The following TLN2 variants were observed in gnomAD, a reference collection of about 807,000 sequenced individuals.
TLN2 encodes talin-2.
TLN2 carries 118 observed loss-of-function variants against 294.7 expected under a neutral mutation model. The ratio of observed to expected loss-of-function variants is 0.40; its 90% confidence interval spans 0.34 to 0.47. TLN2 has a LOEUF of 0.47. TLN2 is among the 20% of genes least tolerant of loss of function. The probability of loss-of-function intolerance (pLI) is 0.84; values close to 1 mark genes in which losing one functional copy is unlikely to be tolerated. For synonymous variants in TLN2, 1,431 were observed against 1,304.5 expected (o/e 1.10, Z -2.09); for missense variants, 3,083 against 3,282.2 (o/e 0.94, Z 1.48).
chr15:62,472,113 C>A (rs1052944296), intron 1 of TLN2, among the ~76,000 whole-genome samples: 2 of 152,156 alleles, frequency 1.3e-5, no homozygotes, highest in African/African-American at 4.8e-5. Context: ...ATGCACCCAC[C>A]CCCATGAGTC....
At chr15:62,819,418 A>G (rs955225375) in intron 52 of TLN2, 98 bp from the exon 53 acceptor site, 2 of 991,480 alleles carry the variant, frequency 2.0e-6, no homozygotes, top group Non-Finnish European at 3.2e-6. Context: ...ACTTAAAACC[A>G]GGCTGCCTGA....
At chr15:62,580,644 C>A (rs1222774323) in intron 1 of TLN2, among the ~76,000 whole-genome samples, 1 of 152,008 alleles carries the variant, frequency 6.6e-6, no homozygotes, top group Non-Finnish European at 1.5e-5. Flanking sequence ...CTCCTGAGTT[C>A]AAGTGATCTA....
intron 1 of TLN2, among the ~76,000 whole-genome samples, chr15:62,533,660 T>TA (rs563518355): frequency 1.3e-5 from 2 of 152,234 alleles, no homozygotes; most frequent in South Asian, 4.1e-4. Context: ...TTACCCCCCA[T>TA]AAAAAATGCC....
At chr15:62,811,722 A>G (rs1251443477) in intron 52 of TLN2, among the ~76,000 whole-genome samples, 2 of 152,096 alleles carry the variant, frequency 1.3e-5, no homozygotes, top group East Asian at 1.9e-4. Flanking sequence ...TGAATGCCTT[A>G]TTAATATCTG....
intron 1 of TLN2, among the ~76,000 whole-genome samples, chr15:62,394,923 A>G (rs1363309407): frequency 6.6e-6 from 1 of 152,212 alleles, no homozygotes; most frequent in Non-Finnish European, 1.5e-5. Flanking sequence ...GGAGTTTCAG[A>G]GACGGTGCCA....
intron 1 of TLN2, among the ~76,000 whole-genome samples, chr15:62,505,094 T>C (rs2039536151): frequency 1.3e-5 from 2 of 151,946 alleles, no homozygotes; most frequent in African/African-American, 2.4e-5. Context: ...GTAGCTGGGA[T>C]TACAGGCGCC....
intron 3 of TLN2, chr15:62,638,692 T>C (rs746185365): frequency 4.9e-5 from 22 of 451,754 alleles, no homozygotes; most frequent in Non-Finnish European, 8.4e-5. Context: ...CTCTCTTTGG[T>C]TCTTGGTGGA....
chr15:62,740,293 G>A (rs1289526373), intron 31 of TLN2, among the ~76,000 whole-genome samples: 1 of 152,134 alleles, frequency 6.6e-6, no homozygotes, highest in African/African-American at 2.4e-5. Flanking sequence ...TGCTGGAATC[G>A]CTGCCTGGTC....
At chr15:62,614,754 G>A (rs77310927) in intron 2 of TLN2, among the ~76,000 whole-genome samples, 3,034 of 152,264 alleles carry the variant, frequency 0.02, 67 homozygotes, top group South Asian at 0.075. Context: ...TTCAACATAT[G>A]TCTCTGAATG....
rs188290032 is a variant in TLN2 at position 62,799,848 on chromosome 15, A to C, written c.6235-520A>C. ...CAAGTGATGGAAAGAGCTGAGTCCC[A>C]GTTAGAACAATGAGCAAAGGTCCGA... On this transcript the variant is annotated intron_variant, in intron 48 of 58. Coordinates refer to ENST00000636159, the MANE Select transcript of TLN2 (RefSeq NM_015059.3). 1.5e-4 allele frequency among the ~76,000 whole-genome samples: 23 copies of C among 152,362 alleles called. No individual in the cohort carries two copies. The East Asian group carries it at 4.4e-3, about 29-fold the overall frequency.
chr15:62,550,852 C>T (rs2042256947), intron 1 of TLN2, among the ~76,000 whole-genome samples: 1 of 152,100 alleles, frequency 6.6e-6, no homozygotes, highest in Admixed American at 6.6e-5. Flanking sequence ...TTTTCCTGGA[C>T]CAGGGTCTGC....
chr15:62,765,049 A>C (rs1046498235), intron 40 of TLN2, among the ~76,000 whole-genome samples: 1 of 140,664 alleles, frequency 7.1e-6, no homozygotes, highest in Non-Finnish European at 1.5e-5. Flanking sequence ...CTTTCACCAT[A>C]TCCTCCCTCA....
chr15:62,456,786 T>C (rs1295318049), intron 1 of TLN2, among the ~76,000 whole-genome samples: 1 of 152,196 alleles, frequency 6.6e-6, no homozygotes, highest in Non-Finnish European at 1.5e-5. Flanking sequence ...CATTTCTGTT[T>C]CCTGGGGTTT....
At chr15:62,835,682 T>G in intron 55 of TLN2, 55 bp from the exon 56 acceptor site, 1 of 1,598,016 alleles carries the variant, frequency 6.3e-7, no homozygotes, top group Non-Finnish European at 8.6e-7. Context: ...GATGAGGGGC[T>G]GCGACCACTG....
At chr15:62,415,817 G>A (rs1177597790) in intron 1 of TLN2, among the ~76,000 whole-genome samples, 1 of 152,224 alleles carries the variant, frequency 6.6e-6, no homozygotes, top group Non-Finnish European at 1.5e-5. Context: ...AGAGGTCCAC[G>A]TGTCAAGTTT....
intron 1 of TLN2, among the ~76,000 whole-genome samples, chr15:62,472,215 T>C (rs1044553179): frequency 1.3e-5 from 2 of 152,166 alleles, no homozygotes; most frequent in Non-Finnish European, 2.9e-5. Context: ...AGTCATTTTT[T>C]CCAGGACCCC....
At chr15:62,499,953 C>CAA (rs149847382) in intron 1 of TLN2, among the ~76,000 whole-genome samples, 140 of 151,440 alleles carry the variant, frequency 9.2e-4, no homozygotes, top group Non-Finnish European at 1.6e-3. Context: ...AACAAACAAA[C>CAA]AAAAAAAACA....
intron 54 of TLN2, among the ~76,000 whole-genome samples, chr15:62,825,852 T>TA (rs1567688247): frequency 6.7e-5 from 6 of 89,528 alleles, no homozygotes; most frequent in African/African-American, 2.4e-4. Context: ...TATAAATATA[T>TA]TATATATATA....
chr15:62,660,679 G>A (rs892459872), intron 9 of TLN2, among the ~76,000 whole-genome samples: 2 of 152,210 alleles, frequency 1.3e-5, no homozygotes, highest in African/African-American at 2.4e-5. Flanking sequence ...TTGTACAAAT[G>A]TGTGGGGTTC....
Sources: allele counts gnomAD v4.1 joint callset (sites outside exome capture counted in the v4.1 genomes callset), GRCh38; gene constraint gnomAD v4.1.1; transcripts MANE v1.5; gene names NCBI Gene and HGNC (gene_info 2026-07-23, HGNC 2026-07-21).